The following GPC3 variants were observed in gnomAD, a reference collection of about 807,000 sequenced individuals.
GPC3 encodes the protein glypican 3, also known as glypican-3.
In GPC3, 3 loss-of-function variants were observed where a neutral mutation model predicts 34.4. The ratio of observed to expected loss-of-function variants is 0.09; its 90% CI spans 0.04 to 0.23. GPC3 has a LOEUF of 0.23. Among genes scored for constraint, GPC3 ranks in the 10% least tolerant of loss-of-function variants. The probability of loss-of-function intolerance (pLI) is 1.00; values close to 1 mark genes in which losing one functional copy is unlikely to be tolerated. For missense variants in GPC3, 351 were observed against 445.6 expected, an observed-to-expected ratio of 0.79 and a Z score of 1.91; for synonymous variants, 177 against 174.0, an observed-to-expected ratio of 1.02 and a Z score of -0.13.
chrX:133,668,237 G>A (rs917414945), intron 5 of GPC3, among the ~76,000 whole-genome samples: 14 of 111,409 alleles, frequency 1.3e-4, no homozygotes, highest in Admixed American at 1.9e-4. Flanking sequence ...AGGTAACTCC[G>A]ACCTGCCTAT....
chrX:133,785,342 C>A (rs184765987), intron 2 of GPC3, among the ~76,000 whole-genome samples: 38 of 111,224 alleles, frequency 3.4e-4, no homozygotes, highest in African/African-American at 1.2e-3. Context: ...CAAGCCATAG[C>A]TCTACTACTT....
rs764174037 is a variant in GPC3 at position 133,898,027 on chromosome X, A to T, written c.337+55023T>A. On this transcript the variant is annotated intron_variant, in intron 2 of 7. Coordinates refer to ENST00000370818, the MANE Select transcript of GPC3 (RefSeq NM_004484.4). ...TTCTGGAGTTGGGTTGCCTTAGTAC[A>T]GACATCTGGCACCATTCCTAGAAGT... Among the ~76,000 whole-genome samples, 9 of 111,704 alleles carry T rather than the reference A, an allele frequency of 8.1e-5. No homozygotes were observed. The South Asian group carries it at 3.5e-3, about 43-fold the overall frequency.
rs150947556 is a variant in GPC3, at chrX:133,749,643, A to C, written c.1032+3839T>G. ...GCAAAGTCTCTGTGTGGCAGACCTCATGTCATGGCTTAAAGCCAGCTCGAA... is the reference window on the plus strand; with the variant it reads ...GCAAAGTCTCTGTGTGGCAGACCTCCTGTCATGGCTTAAAGCCAGCTCGAA... On this transcript the variant is annotated intron_variant, in intron 3 of 7. Transcript: ENST00000370818. Among the ~76,000 whole-genome samples the C allele has an allele frequency of 7.9e-3, 879 of 111,836 alleles. 5 individuals are homozygous for C. Among genetic ancestry groups the C allele is most frequent in the African/African-American group, 0.027 (823 of 30,810 alleles).
chrX:133,626,144 C>T (rs1162079065), intron 6 of GPC3, among the ~76,000 whole-genome samples: 1 of 106,908 alleles, frequency 9.4e-6, no homozygotes, highest in Non-Finnish European at 1.9e-5. Flanking sequence ...CCCTTCCTTA[C>T]ACCTTATACA....
intron 3 of GPC3, among the ~76,000 whole-genome samples, chrX:133,727,584 C>T (rs2071422670): frequency 9.0e-6 from 1 of 110,886 alleles, no homozygotes; most frequent in African/African-American, 3.3e-5. Flanking sequence ...CAACTTTTAA[C>T]ATACTTCATA....
intron 5 of GPC3, among the ~76,000 whole-genome samples, chrX:133,673,806 A>C (rs962662050): frequency 6.2e-5 from 7 of 112,604 alleles, no homozygotes; most frequent in Non-Finnish European, 1.1e-4. Flanking sequence ...AATTGAGATA[A>C]CGTGCTTAAG....
At chrX:133,627,732 C>T (rs909296741) in intron 6 of GPC3, among the ~76,000 whole-genome samples, 3 of 112,306 alleles carry the variant, frequency 2.7e-5, no homozygotes, top group Non-Finnish European at 5.6e-5. Flanking sequence ...TGTTTTGAGG[C>T]TTATTGTTAC....
chrX:133,744,585 A>G (rs2059308026), intron 3 of GPC3, among the ~76,000 whole-genome samples: 1 of 112,464 alleles, frequency 8.9e-6, no homozygotes, highest in South Asian at 3.7e-4. Flanking sequence ...TAGTTCAACC[A>G]TCGTGGAAGA....
intron 7 of GPC3, among the ~76,000 whole-genome samples, chrX:133,590,713 C>A (rs1424918895): frequency 9.0e-6 from 1 of 111,292 alleles, no homozygotes; most frequent in African/African-American, 3.3e-5. Context: ...GCCCAGCTTG[C>A]CAGATTGGTG....
chrX:133,796,054 T>A (rs917141199), intron 2 of GPC3, among the ~76,000 whole-genome samples: 1 of 105,513 alleles, frequency 9.5e-6, no homozygotes, highest in Non-Finnish European at 1.9e-5. Flanking sequence ...CACGCCATTC[T>A]CCTGCCTCAG....
intron 6 of GPC3, among the ~76,000 whole-genome samples, chrX:133,654,572 C>T (rs943211520): frequency 4.5e-5 from 5 of 110,026 alleles, no homozygotes; most frequent in Non-Finnish European, 7.6e-5. Context: ...ATTAGCTGGG[C>T]GCAGTGGTGG....
intron 3 of GPC3, among the ~76,000 whole-genome samples, chrX:133,737,832 T>C (rs925115975): frequency 8.9e-6 from 1 of 112,404 alleles, no homozygotes; most frequent in Admixed American, 9.4e-5. Flanking sequence ...AGACATAATG[T>C]TTTTCTATAT....
chrX:133,984,934 CGGCTGTGGG>C (rs2076559527), intron 1 of GPC3, among the ~76,000 whole-genome samples: 1 of 111,405 alleles, frequency 9.0e-6, no homozygotes, highest in Admixed American at 9.5e-5. Context: ...GGCACCAGCT[CGGCTGTGGG>C]GCGCCAGTTC....
intron 6 of GPC3, among the ~76,000 whole-genome samples, chrX:133,647,803 G>A (rs1280578966): frequency 9.0e-6 from 1 of 111,497 alleles, no homozygotes; most frequent in Non-Finnish European, 1.9e-5. Context: ...TGAATGGATG[G>A]CACTCAACAT....
chrX:133,632,052 G>T (rs1235171101), intron 6 of GPC3, among the ~76,000 whole-genome samples: 2 of 110,658 alleles, frequency 1.8e-5, no homozygotes, highest in African/African-American at 3.3e-5. Context: ...CAGGATACAG[G>T]AATTTTGGGT....
intron 1 of GPC3, among the ~76,000 whole-genome samples, chrX:133,969,867 C>T (rs2076482750): frequency 8.9e-6 from 1 of 111,926 alleles, no homozygotes; most frequent in African/African-American, 3.2e-5. Context: ...ATAACAACCT[C>T]CAGGCACAAA....
chrX:133,536,263 G>C lies in GPC3; in HGVS notation c.1604C>G (p.Ala535Gly), dbSNP rs750138489. 12 of 1,201,664 alleles carry C rather than the reference G, an allele frequency of 1.0e-5. No individual in the cohort carries two copies. Among genetic ancestry groups the C allele is most frequent in the Non-Finnish European group, 1.4e-5 (12 of 888,710 alleles). Residue 535 changes from alanine to glycine, a missense_variant, in exon 8 of 8, where the codon GCG (alanine) becomes GGG (glycine). Physicochemically the swap from Ala to Gly is moderately conservative, Grantham distance 60. Transcript: ENST00000370818. ...ELAYDLDVDD[A>G]PGNSQQATPK... ...AGTTGCCTGCTGACTGTTTCCAGGC[G>C]CATCATCCACATCCAGATCATAGGC... is the stretch of plus-strand genomic sequence containing the variant.
intron 2 of GPC3, among the ~76,000 whole-genome samples, chrX:133,912,915 G>A (rs533413934): frequency 1.8e-5 from 2 of 110,240 alleles, no homozygotes; most frequent in Admixed American, 9.7e-5. Context: ...TAGGCCGGGC[G>A]TGGTGGTGCA....
chrX:133,695,647 G>A (rs1282215319), intron 4 of GPC3, among the ~76,000 whole-genome samples: 1 of 111,972 alleles, frequency 8.9e-6, no homozygotes, highest in Admixed American at 9.4e-5. Flanking sequence ...TGCAGCTTCA[G>A]TGCCGCACCA....
Sources: allele counts gnomAD v4.1 joint callset (sites outside exome capture counted in the v4.1 genomes callset), GRCh38; gene constraint gnomAD v4.1.1; transcripts MANE v1.5; gene names NCBI Gene and HGNC (gene_info 2026-07-23, HGNC 2026-07-21).